TMEM266: variants seen among roughly 807,000 people sequenced by gnomAD.
The protein encoded by TMEM266 is Hv1 related protein 1.
In TMEM266, 33 loss-of-function variants were observed where a neutral mutation model predicts 50.5. That is an observed-to-expected ratio of 0.65 (90% CI 0.50 to 0.87). The LOEUF (loss-of-function observed/expected upper bound fraction) is 0.87. Ranked by LOEUF, TMEM266 falls within the 40% of genes least tolerant of loss-of-function variation. The pLI, the probability that TMEM266 is intolerant of heterozygous loss-of-function variation, is 0.00. For synonymous variants in TMEM266, 310 were observed against 292.3 expected, an observed-to-expected ratio of 1.06 and a Z score of -0.62; for missense variants, 655 against 695.1, an observed-to-expected ratio of 0.94 and a Z score of 0.65.
chr15:76,192,203 TC>T, intron 9 of TMEM266, 46 bp downstream of exon 9: 1 of 1,384,042 alleles, frequency 7.2e-7, no homozygotes, highest in Non-Finnish European at 9.3e-7. Context: ...CGGCCGGGGA[TC>T]CCCCTCGCCT....
intron 5 of TMEM266, among the ~76,000 whole-genome samples, chr15:76,164,802 C>T (rs1247918746): frequency 2.0e-5 from 3 of 152,184 alleles, no homozygotes; most frequent in South Asian, 2.1e-4. Context: ...GTTGGGTGGC[C>T]GCGGGCTTGG....
At chr15:76,198,734 C>T (rs1316177948) in intron 9 of TMEM266, among the ~76,000 whole-genome samples, 2 of 152,250 alleles carry the variant, frequency 1.3e-5, no homozygotes, top group East Asian at 3.8e-4. Context: ...GGCCCTTGGT[C>T]CCCCTCTGTG....
At chr15:76,156,361 A>AAAAAG (rs758137892) in intron 3 of TMEM266, among the ~76,000 whole-genome samples, 10 of 152,326 alleles carry the variant, frequency 6.6e-5, no homozygotes, top group South Asian at 6.2e-4. Flanking sequence ...CTTTGTCTCA[A>AAAAAG]AAAAGAAAAG....
intron 3 of TMEM266, among the ~76,000 whole-genome samples, chr15:76,151,819 C>T (rs777973993): frequency 1.3e-5 from 2 of 152,148 alleles, no homozygotes; most frequent in Non-Finnish European, 2.9e-5. Context: ...GCTGAGACGC[C>T]GCATTCCTAA....
At chr15:76,181,001 T>G (rs1319017164) in intron 8 of TMEM266, 1 of 152,246 alleles carries the variant, frequency 6.6e-6, no homozygotes, top group Non-Finnish European at 1.5e-5. Context: ...GTTTCTTGCA[T>G]GAATATCTGA....
chr15:76,066,478 A>C (rs921616352), intron 1 of TMEM266, among the ~76,000 whole-genome samples: 14 of 152,096 alleles, frequency 9.2e-5, no homozygotes, highest in African/African-American at 3.1e-4. Flanking sequence ...TCTCAGAATA[A>C]AATGAGCTGT....
intron 3 of TMEM266, among the ~76,000 whole-genome samples, chr15:76,148,728 C>T (rs563889144): frequency 0.038 from 205 of 5,330 alleles, no homozygotes; most frequent in African/African-American, 0.13. Flanking sequence ...CACCCCTTCA[C>T]CCCCCACCTG....
chr15:76,110,229 T>C (rs2037149579), intron 1 of TMEM266, among the ~76,000 whole-genome samples: 1 of 151,844 alleles, frequency 6.6e-6, no homozygotes, highest in South Asian at 2.1e-4. Flanking sequence ...GGTCTCGAAC[T>C]CCTGACTTTG....
At chr15:76,178,005 A>C (rs1440677349) in intron 8 of TMEM266, among the ~76,000 whole-genome samples, 1 of 152,084 alleles carries the variant, frequency 6.6e-6, no homozygotes, top group Non-Finnish European at 1.5e-5. Context: ...AGGCAGAGGG[A>C]ACAGTGTGGG....
chr15:76,087,875 C>T (rs2036797034), intron 1 of TMEM266, among the ~76,000 whole-genome samples: 1 of 152,212 alleles, frequency 6.6e-6, no homozygotes, highest in Non-Finnish European at 1.5e-5. Flanking sequence ...AAGCCCCCCT[C>T]AAACCTCAGC....
At chr15:76,203,246 C>G (rs2038779222) in intron 10 of TMEM266, among the ~76,000 whole-genome samples, 2 of 152,128 alleles carry the variant, frequency 1.3e-5, no homozygotes, top group Admixed American at 1.3e-4. Flanking sequence ...CCTGGCACAC[C>G]AAGTTTCCTG....
intron 8 of TMEM266, among the ~76,000 whole-genome samples, chr15:76,183,326 G>A (rs944188628): frequency 2.6e-5 from 4 of 151,956 alleles, no homozygotes; most frequent in Non-Finnish European, 5.9e-5. Context: ...ATGTTGGCCA[G>A]GCTGGTCTCG....
intron 1 of TMEM266, among the ~76,000 whole-genome samples, chr15:76,110,133 G>A (rs2955756): frequency 0.4 from 60,609 of 151,486 alleles, 13,141 homozygotes; most frequent in East Asian, 0.61. Context: ...CCGAGAAGCT[G>A]GGATTACAGG....
chr15:76,125,846 T>TAA (rs34379905), intron 1 of TMEM266, among the ~76,000 whole-genome samples: 1,633 of 116,400 alleles, frequency 0.014, 32 homozygotes, highest in African/African-American at 0.049. Context: ...AGACTCCATG[T>TAA]AAAAAAAAAA....
chr15:76,134,400 T>C, intron 2 of TMEM266, 99 bp downstream of exon 2: 3 of 1,304,504 alleles, frequency 2.3e-6, no homozygotes, highest in Admixed American at 2.0e-5. Context: ...TATGTACATT[T>C]CCTTTAGCAG....
intron 5 of TMEM266, among the ~76,000 whole-genome samples, chr15:76,167,055 G>A (rs1005777073): frequency 1.3e-5 from 2 of 152,188 alleles, no homozygotes; most frequent in African/African-American, 4.8e-5. Flanking sequence ...TCCCAGCCTG[G>A]ACTTTTGTCT....
intron 1 of TMEM266, among the ~76,000 whole-genome samples, chr15:76,103,347 A>G (rs964005054): frequency 6.6e-6 from 1 of 151,918 alleles, no homozygotes; most frequent in Non-Finnish European, 1.5e-5. Context: ...TGCCAAAAAA[A>G]AAAATCAGCC....
chr15:76,183,005 T>G (rs929443615), intron 8 of TMEM266, among the ~76,000 whole-genome samples: 1 of 149,976 alleles, frequency 6.7e-6, no homozygotes, highest in African/African-American at 2.4e-5. Flanking sequence ...CATTTGTCAC[T>G]CTCATCATAC....
At chr15:76,125,920 G>A (rs2037416290) in intron 1 of TMEM266, among the ~76,000 whole-genome samples, 1 of 151,320 alleles carries the variant, frequency 6.6e-6, no homozygotes, top group South Asian at 2.1e-4. Context: ...CTCCAAAGGA[G>A]ACACACGAAT....
Sources: allele counts gnomAD v4.1 joint callset (sites outside exome capture counted in the v4.1 genomes callset), GRCh38; gene constraint gnomAD v4.1.1; transcripts MANE v1.5; gene names NCBI Gene and HGNC (gene_info 2026-07-23, HGNC 2026-07-21).